HSDL2: variants seen among roughly 807,000 people sequenced by gnomAD.
HSDL2 encodes the protein hydroxysteroid dehydrogenase like 2, also known as hydroxysteroid dehydrogenase-like protein 2.
HSDL2 carries 27 observed loss-of-function variants against 46.3 expected under a neutral mutation model. The ratio of observed to expected loss-of-function variants is 0.58; its 90% CI spans 0.43 to 0.80. The LOEUF is 0.80. HSDL2 is among the 30% of genes least tolerant of loss of function. The probability of loss-of-function intolerance (pLI) is 0.00; values close to 1 mark genes in which losing one functional copy is unlikely to be tolerated. For synonymous variants in HSDL2, 153 were observed against 163.6 expected (o/e 0.94, Z 0.50); for missense variants, 451 against 502.7 (o/e 0.90, Z 0.98).
intron 7 of HSDL2, among the ~76,000 whole-genome samples, chr9:112,440,323 G>A (rs1832613563): frequency 1.3e-5 from 2 of 151,804 alleles, no homozygotes. Flanking sequence ...GAGAGAGAGA[G>A]AGGCAGGAGA....
At chr9:112,441,868 C>A in intron 8 of HSDL2, 98 bp downstream of exon 8, 3 of 749,250 alleles carry the variant, frequency 4.0e-6, no homozygotes, top group South Asian at 1.8e-5. Context: ...GACATTTCTG[C>A]CTTCTGTTTT....
chr9:112,421,867 A>G (rs977894002), intron 6 of HSDL2, among the ~76,000 whole-genome samples: 6 of 152,210 alleles, frequency 3.9e-5, no homozygotes, highest in Admixed American at 3.3e-4. Context: ...GAGCCTATGA[A>G]GGAATGAGTA....
In HSDL2 at chr9:112,409,025, A is replaced by G; in HGVS notation, c.395+4A>G. On this transcript the variant is annotated splice_donor_region_variant and intron_variant, in intron 4 of 10. Coordinates refer to ENST00000398805, the MANE Select transcript of HSDL2 (RefSeq NM_032303.5). ...ACACCAGAGGCACCTACCTTGCGTA[A>G]GTTTGCAAGAAGAGTTGTTGGGGAG... 1 of 1,526,070 alleles carries G rather than the reference A, an allele frequency of 6.6e-7. No homozygotes were observed. 94.5% of individuals were successfully genotyped at this position (1,526,070 alleles called of 1,614,324 possible). A position where few individuals can be genotyped will look rare whatever the true frequency, so the allele number is the denominator to read the frequency against.
At chr9:112,431,712 G>C (rs1832407458) in intron 6 of HSDL2, among the ~76,000 whole-genome samples, 1 of 152,002 alleles carries the variant, frequency 6.6e-6, no homozygotes, top group Non-Finnish European at 1.5e-5. Context: ...TCCTGCTTTT[G>C]CCATGTGACG....
At chr9:112,439,292 C>T (rs759310917) in intron 7 of HSDL2, among the ~76,000 whole-genome samples, 1 of 152,188 alleles carries the variant, frequency 6.6e-6, no homozygotes, top group African/African-American at 2.4e-5. Flanking sequence ...GCCACTGCAC[C>T]TGGCACAGTA....
intron 2 of HSDL2, 49 bp downstream of exon 2, chr9:112,404,207 T>C: frequency 1.9e-6 from 3 of 1,554,910 alleles, no homozygotes; most frequent in Non-Finnish European, 2.6e-6. Context: ...GTGGTTTCAA[T>C]ACATAGAGAA....
chr9:112,410,800 G>A (rs1036013663), intron 4 of HSDL2, among the ~76,000 whole-genome samples: 3 of 152,120 alleles, frequency 2.0e-5, no homozygotes, highest in East Asian at 1.9e-4. Flanking sequence ...GGTGGCACAC[G>A]TGCCTGTAGT....
rs775275390 is a variant in HSDL2 at position 112,418,851 on chromosome 9, T to C, written c.500-9T>C. On this transcript the variant is annotated splice_polypyrimidine_tract_variant and intron_variant, in intron 5 of 10. Coordinates refer to ENST00000398805, the MANE Select transcript of HSDL2 (RefSeq NM_032303.5). ...ATAATTAAATTATTATTTTTTGTGG[T>C]TCTTTCAGCTTATACCATTGCTAAG... 2.0e-6 allele frequency: 3 copies of C among 1,463,876 alleles called. No homozygotes were observed. The highest frequency in any genetic ancestry group is 1.9e-6 in the Non-Finnish European group (2 of 1,074,796). The allele number at this position is 1,463,876 out of a possible 1,614,324, so 90.7% of individuals were successfully genotyped here. A position where few individuals can be genotyped will look rare whatever the true frequency, so the allele number is the denominator to read the frequency against.
rs569247622 is a variant in HSDL2, at chr9:112,445,991, G to T, written c.865+4221G>T. Among the ~76,000 whole-genome samples, 3 of 152,268 alleles carry T rather than the reference G, an allele frequency of 2.0e-5. No homozygotes were observed. In the South Asian group the frequency reaches 6.2e-4, roughly 32 times the overall value. ...TGAATCTGTATTGACACATCATAAT[G>T]ATATAGTTTTCGTGTGGAAGAATTC... On this transcript the variant is annotated intron_variant, in intron 8 of 10. Coordinates refer to ENST00000398805, the MANE Select transcript of HSDL2 (RefSeq NM_032303.5).
chr9:112,444,834 GT>G, intron 8 of HSDL2, among the ~76,000 whole-genome samples: 12,160 of 79,610 alleles, frequency 0.15, 628 homozygotes, highest in East Asian at 0.28. Flanking sequence ...ACTCAGTCTT[GT>G]TTTTTTTTTT....
chr9:112,388,460 CAAA>C (rs35133211), intron 1 of HSDL2, among the ~76,000 whole-genome samples: 4,374 of 107,300 alleles, frequency 0.041, 201 homozygotes, highest in East Asian at 0.11. Context: ...GACTCCATCT[CAAA>C]AAAAAAAAAA....
chr9:112,418,744 C>T (rs1240993760), intron 5 of HSDL2, 116 bp from the exon 6 acceptor site: 18 of 462,376 alleles, frequency 3.9e-5, no homozygotes, highest in Non-Finnish European at 3.9e-6. Context: ...TATATACATA[C>T]ATGCACACAT....
intron 8 of HSDL2, among the ~76,000 whole-genome samples, chr9:112,442,594 T>G (rs138060439): frequency 6.6e-6 from 1 of 152,206 alleles, no homozygotes; most frequent in Non-Finnish European, 1.5e-5. Flanking sequence ...TTAGACTTTG[T>G]GTTCTGACAT....
At chr9:112,405,286 AGGCTGCAGTGAGCTGTGTTTGTG>A (rs1174175582) in intron 2 of HSDL2, among the ~76,000 whole-genome samples, 1 of 152,190 alleles carries the variant, frequency 6.6e-6, no homozygotes, top group Non-Finnish European at 1.5e-5. Context: ...TGGGAGATTG[AGGCTGCAGTGAGCTGTGTTTGTG>A]CCACTTCACC....
chr9:112,449,638 C>T (rs1311250274), intron 8 of HSDL2, among the ~76,000 whole-genome samples: 1 of 151,894 alleles, frequency 6.6e-6, no homozygotes, highest in African/African-American at 2.4e-5. Flanking sequence ...CTGAGGCAGG[C>T]GGATTGTCTG....
chr9:112,404,654 G>A (rs532924105), intron 2 of HSDL2, among the ~76,000 whole-genome samples: 10 of 152,252 alleles, frequency 6.6e-5, no homozygotes, highest in African/African-American at 1.4e-4. Context: ...TTGAGAAAGC[G>A]TTCTGTGTTA....
At chr9:112,402,956 AACAC>A (rs966946852) in intron 1 of HSDL2, among the ~76,000 whole-genome samples, 2 of 151,674 alleles carry the variant, frequency 1.3e-5, no homozygotes, top group Non-Finnish European at 2.9e-5. Flanking sequence ...AAGAAAAAAA[AACAC>A]ACACACACAC....
chr9:112,398,261 C>T (rs34080807), intron 1 of HSDL2, among the ~76,000 whole-genome samples: 42,121 of 151,534 alleles, frequency 0.28, 6,045 homozygotes, highest in Middle Eastern at 0.38. Context: ...AATGAGGGAC[C>T]GAAATGACAG....
At chr9:112,417,041 A>C in intron 5 of HSDL2, 97 bp downstream of exon 5, 1 of 479,802 alleles carries the variant, frequency 2.1e-6, no homozygotes, top group South Asian at 4.7e-5. Flanking sequence ...TGCACATAAC[A>C]TTCATCATTG....
Sources: allele counts gnomAD v4.1 joint callset (sites outside exome capture counted in the v4.1 genomes callset), GRCh38; gene constraint gnomAD v4.1.1; transcripts MANE v1.5; gene names NCBI Gene and HGNC (gene_info 2026-07-23, HGNC 2026-07-21).